The following SEMA3A variants were observed in gnomAD, a reference collection of about 807,000 sequenced individuals.
The protein encoded by SEMA3A is semaphorin 3A.
A neutral mutation model predicts 97.9 loss-of-function variants in SEMA3A; 29 were observed. That is an observed-to-expected ratio of 0.30 (90% CI 0.22 to 0.40). SEMA3A has a LOEUF of 0.40. Among genes scored for constraint, SEMA3A ranks in the 10% least tolerant of loss-of-function variants. The probability of loss-of-function intolerance (pLI) is 1.00; values close to 1 mark genes in which losing one functional copy is unlikely to be tolerated. For synonymous variants in SEMA3A, 321 were observed against 323.7 expected (o/e 0.99, Z 0.09); for missense variants, 763 against 951.3 (o/e 0.80, Z 2.60).
intron 1 of SEMA3A, among the ~76,000 whole-genome samples, chr7:84,374,188 T>G (rs2116112074): frequency 6.6e-6 from 1 of 152,314 alleles, no homozygotes; most frequent in Admixed American, 6.5e-5. Flanking sequence ...GTAATTGATT[T>G]GTGAAAGACA....
At chr7:84,235,071 C>A (rs76345828) in intron 3 of SEMA3A, among the ~76,000 whole-genome samples, 1 of 151,798 alleles carries the variant, frequency 6.6e-6, no homozygotes, top group Admixed American at 6.6e-5. Flanking sequence ...GTAATATATA[C>A]GAAAATGATT....
At chr7:84,171,359 C>T (rs1270738969) in intron 1 of SEMA3A, among the ~76,000 whole-genome samples, 2 of 151,988 alleles carry the variant, frequency 1.3e-5, no homozygotes, top group Non-Finnish European at 2.9e-5. Flanking sequence ...GAAAGATTTG[C>T]ACTTCTTCAC....
intron 1 of SEMA3A, among the ~76,000 whole-genome samples, chr7:84,482,146 A>G (rs894557227): frequency 2.0e-5 from 3 of 152,016 alleles, no homozygotes; most frequent in Admixed American, 6.6e-5. Flanking sequence ...TTCTCATCGT[A>G]TAAGTTAAAA....
chr7:84,412,862 A>T (rs755286579), intron 1 of SEMA3A, among the ~76,000 whole-genome samples: 2 of 152,168 alleles, frequency 1.3e-5, no homozygotes, highest in Non-Finnish European at 2.9e-5. Flanking sequence ...ACTCAAGTTT[A>T]CAAAGCTGGT....
intron 15 of SEMA3A, among the ~76,000 whole-genome samples, chr7:83,972,699 T>A (rs1562947830): frequency 1.3e-5 from 2 of 152,066 alleles, no homozygotes; most frequent in Non-Finnish European, 2.9e-5. Flanking sequence ...AGCAAGCTTT[T>A]AAAAAAATCT....
chr7:84,394,860 A>T (rs1181383906), intron 1 of SEMA3A, among the ~76,000 whole-genome samples: 1 of 152,170 alleles, frequency 6.6e-6, no homozygotes, highest in Non-Finnish European at 1.5e-5. Flanking sequence ...AGTGGAAATA[A>T]ATTAAAGCAT....
intron 4 of SEMA3A, among the ~76,000 whole-genome samples, chr7:84,081,912 T>C (rs1794176827): frequency 6.6e-6 from 1 of 152,116 alleles, no homozygotes; most frequent in African/African-American, 2.4e-5. Flanking sequence ...TATTTAAACA[T>C]CTAGATACAC....
chr7:83,961,269 C>A lies in SEMA3A; in HGVS notation c.*102G>T, dbSNP rs936757268. On this transcript the variant is annotated 3_prime_UTR_variant, in exon 17 of 17. Coordinates refer to ENST00000265362, the MANE Select transcript of SEMA3A (RefSeq NM_006080.3). ...CTGAATTTCCCACCATTGTAAACAT[C>A]CACATAATGCCATGAAAAAAGTTCA... is the stretch of plus-strand genomic sequence containing the variant. The A allele has an allele frequency of 1.1e-6, 1 of 888,528 alleles. No individual in the cohort carries two copies. The highest frequency in any genetic ancestry group is 1.8e-6 in the Non-Finnish European group (1 of 548,994). The allele number at this position is 888,528 out of a possible 1,614,324, so 55.0% of individuals were successfully genotyped here. A position where few individuals can be genotyped will look rare whatever the true frequency, so the allele number is the denominator to read the frequency against.
intron 2 of SEMA3A, among the ~76,000 whole-genome samples, chr7:84,352,677 C>G (rs973875843): frequency 6.6e-6 from 1 of 151,612 alleles, no homozygotes; most frequent in Non-Finnish European, 1.5e-5. Flanking sequence ...TCTTAAGGGC[C>G]GTAGAATGTC....
intron 6 of SEMA3A, among the ~76,000 whole-genome samples, chr7:84,022,952 A>G (rs1310852558): frequency 2.6e-5 from 4 of 152,226 alleles, no homozygotes; most frequent in Non-Finnish European, 5.9e-5. Flanking sequence ...TTTAGTCATG[A>G]TAACAGCAAT....
chr7:84,102,313 CA>C (rs1356796419), intron 4 of SEMA3A, among the ~76,000 whole-genome samples: 2 of 152,112 alleles, frequency 1.3e-5, no homozygotes, highest in African/African-American at 4.8e-5. Flanking sequence ...TTATTTTTTA[CA>C]AATCATGGTA....
At chr7:84,323,962 T>C (rs1249129502) in intron 2 of SEMA3A, among the ~76,000 whole-genome samples, 1 of 152,216 alleles carries the variant, frequency 6.6e-6, no homozygotes, top group Non-Finnish European at 1.5e-5. Context: ...GAGAGTAGCA[T>C]ATTTTAGTTT....
chr7:84,241,265 CT>C (rs1799356647), intron 3 of SEMA3A, among the ~76,000 whole-genome samples: 1 of 152,160 alleles, frequency 6.6e-6, no homozygotes, highest in African/African-American at 2.4e-5. Context: ...TCTCCAGCAT[CT>C]GTTGTTTCCT....
chr7:84,021,195 C>G (rs1791315391), intron 6 of SEMA3A, among the ~76,000 whole-genome samples: 1 of 152,202 alleles, frequency 6.6e-6, no homozygotes, highest in South Asian at 2.1e-4. Flanking sequence ...ACCACAGACT[C>G]TCATTAGGAA....
chr7:84,402,757 C>T (rs1465811594), intron 1 of SEMA3A, among the ~76,000 whole-genome samples: 1 of 152,110 alleles, frequency 6.6e-6, no homozygotes, highest in African/African-American at 2.4e-5. Context: ...TATTCTATTA[C>T]TTTCAGTAAC....
At chr7:84,451,009 T>C (rs749817862) in intron 1 of SEMA3A, among the ~76,000 whole-genome samples, 1 of 152,164 alleles carries the variant, frequency 6.6e-6, no homozygotes, top group East Asian at 1.9e-4. Context: ...GCTTTTTAAT[T>C]TGATGTAATT....
chr7:84,347,782 G>A (rs773788360), intron 2 of SEMA3A, among the ~76,000 whole-genome samples: 4 of 151,962 alleles, frequency 2.6e-5, no homozygotes, highest in Non-Finnish European at 5.9e-5. Context: ...TTCTTATGAC[G>A]TTCTTGAAAA....
At chr7:84,034,985 T>C (rs1791890518) in intron 6 of SEMA3A, among the ~76,000 whole-genome samples, 1 of 152,146 alleles carries the variant, frequency 6.6e-6, no homozygotes, top group Non-Finnish European at 1.5e-5. Flanking sequence ...TTAGGTTTAC[T>C]TTCTAGTGGA....
intron 9 of SEMA3A, among the ~76,000 whole-genome samples, chr7:84,009,295 T>C (rs866304652): frequency 1.3e-5 from 2 of 152,254 alleles, no homozygotes; most frequent in East Asian, 3.8e-4. Flanking sequence ...TCTGAGTCTC[T>C]CAAGTTCTAT....
Sources: allele counts gnomAD v4.1 joint callset (sites outside exome capture counted in the v4.1 genomes callset), GRCh38; gene constraint gnomAD v4.1.1; transcripts MANE v1.5; gene names NCBI Gene and HGNC (gene_info 2026-07-23, HGNC 2026-07-21).